Variants in SPARC observed in about 807,000 individuals in gnomAD.
SPARC encodes secreted protein acidic and cysteine rich, also known as basement-membrane protein 40.
SPARC carries 23 observed loss-of-function variants against 37.7 expected under a neutral mutation model. The observed-to-expected ratio is 0.61, with a 90% CI of 0.44 to 0.87. SPARC has a LOEUF of 0.87. SPARC is among the 40% of genes least tolerant of loss of function. The pLI, the probability that SPARC is intolerant of heterozygous loss-of-function variation, is 0.00. For missense variants in SPARC, 312 were observed against 389.0 expected (o/e 0.80, Z 1.66); for synonymous variants, 155 against 150.8 (o/e 1.03, Z -0.20).
chr5:151,674,214 T>C (rs1028814223), intron 3 of SPARC, among the ~76,000 whole-genome samples: 4 of 152,090 alleles, frequency 2.6e-5, no homozygotes, highest in Admixed American at 1.3e-4. Context: ...GGTTTCACCA[T>C]GTTGGCCACA....
At chr5:151,669,174 A>G (rs1167983223) in intron 6 of SPARC, among the ~76,000 whole-genome samples, 1 of 152,208 alleles carries the variant, frequency 6.6e-6, no homozygotes, top group Non-Finnish European at 1.5e-5. Context: ...TAGGAATGTA[A>G]TGGAGTAAAA....
chr5:151,674,115 G>A (rs1239043497), intron 3 of SPARC, among the ~76,000 whole-genome samples: 3 of 151,958 alleles, frequency 2.0e-5, no homozygotes, highest in East Asian at 1.9e-4. Flanking sequence ...GGGTTCAAGC[G>A]ATTCTCCTAC....
At chr5:151,667,671 C>G (rs1760659829) in intron 6 of SPARC, 71 bp from the exon 7 acceptor site, 1 of 1,548,572 alleles carries the variant, frequency 6.5e-7, no homozygotes, top group African/African-American at 1.4e-5. Flanking sequence ...AGGCCCCCAC[C>G]CACCCACATA....
At position 151,676,145 on chromosome 5, in the gene SPARC, G is replaced by A. The variant is rs1760851716; in HGVS notation, c.44C>T (p.Ala15Val). The change falls in exon 2 of 10, where the codon GCC becomes GTC. Residue 15 changes from alanine to valine, a missense_variant. Ala to Val is a moderately conservative substitution (Grantham distance 64). Transcript: ENST00000231061. Reference protein sequence around the residue: ...IFFLLCLAGRALAAPQQEALP... With the variant: ...IFFLLCLAGRVLAAPQQEALP... The stretch of plus-strand genomic sequence containing the variant: ...TTAGGTACTTACAGGGGCTGCCAAG[G>A]CCCTCCCGGCCAGGCAAAGGAGAAA... The A allele has an allele frequency of 1.2e-6, 2 of 1,611,846 alleles. No individual in the cohort carries two copies. Among genetic ancestry groups the A allele is most frequent in the East Asian group, 2.2e-5 (1 of 44,838 alleles).
At chr5:151,671,722 G>T (rs1760753010) in intron 4 of SPARC, 28 bp from the exon 5 acceptor site, 4 of 1,612,740 alleles carry the variant, frequency 2.5e-6, no homozygotes, top group Non-Finnish European at 3.4e-6. Context: ...AAGGGAGTTA[G>T]CATCACCTGG....
intron 1 of SPARC, among the ~76,000 whole-genome samples, chr5:151,678,339 G>A (rs1161989196): frequency 2.6e-5 from 4 of 152,164 alleles, no homozygotes; most frequent in Non-Finnish European, 5.9e-5. Context: ...TCGCTGGGCG[G>A]CTCTTCTGTC....
chr5:151,679,999 T>C (rs1436193547), intron 1 of SPARC, among the ~76,000 whole-genome samples: 1 of 152,200 alleles, frequency 6.6e-6, no homozygotes, highest in East Asian at 1.9e-4. Flanking sequence ...ACACATTCTA[T>C]ATCTACGTGG....
At position 151,661,771 on chromosome 5, in the gene SPARC, A is replaced by G. The variant is rs956250312; in HGVS notation, c.*1800T>C. The stretch of plus-strand genomic sequence containing the variant: ...TAACCACTAATCATGCATGGCTCTC[A>G]AGCACTTGAAATGTTGCTAGTGTGA... On this transcript the variant is annotated 3_prime_UTR_variant, in exon 10 of 10. Coordinates refer to ENST00000231061, the MANE Select transcript of SPARC (RefSeq NM_003118.4). 50 of 152,208 alleles carry G rather than the reference A, an allele frequency of 3.3e-4. No individual in the cohort carries two copies. Among genetic ancestry groups the G allele is most frequent in the African/African-American group, 1.2e-3 (48 of 41,454 alleles). The allele number at this position is 152,208 out of a possible 1,614,324, so 9.4% of individuals were successfully genotyped here.
chr5:151,663,751 G>C (rs1203085633), intron 9 of SPARC, 152 bp from the exon 10 acceptor site: 1 of 738,532 alleles, frequency 1.4e-6, no homozygotes. Context: ...GAGGAATCTC[G>C]CTCTCTCTGT....
Position 151,676,197 on chromosome 5 carries a change from G to A in SPARC, c.-9C>T, listed in dbSNP as rs748050757. 4.4e-6 allele frequency: 7 copies of A among 1,608,936 alleles called. No individual in the cohort carries two copies. In the African/African-American group the frequency reaches 8.0e-5, roughly 18 times the overall value. On this transcript the variant is annotated 5_prime_UTR_variant, in exon 2 of 10. Transcript: ENST00000231061. Reference sequence around the variant, plus strand: ...AAGATCCAGGCCCTCATGGTGCTGGGAACCCTATGGGGAGGAGAGATTGAG... The same window carrying A: ...AAGATCCAGGCCCTCATGGTGCTGGAAACCCTATGGGGAGGAGAGATTGAG...
chr5:151,677,352 C>T (rs1760880242), intron 1 of SPARC, among the ~76,000 whole-genome samples: 1 of 152,196 alleles, frequency 6.6e-6, no homozygotes, highest in South Asian at 2.1e-4. Context: ...CACAAATAAC[C>T]TTCCATCAGG....
chr5:151,670,398 C>G (rs1760723083), intron 5 of SPARC, among the ~76,000 whole-genome samples: 1 of 152,222 alleles, frequency 6.6e-6, no homozygotes, highest in Admixed American at 6.5e-5. Flanking sequence ...TGCTGAGTCT[C>G]TAATGAACTT....
At chr5:151,673,775 C>T (rs982851075) in intron 3 of SPARC, among the ~76,000 whole-genome samples, 8 of 152,116 alleles carry the variant, frequency 5.3e-5, no homozygotes, top group Non-Finnish European at 5.9e-5. Context: ...CTCGTGTCTC[C>T]CTAAAATGTA....
intron 6 of SPARC, 115 bp downstream of exon 6, chr5:151,669,545 CAGAA>C: frequency 8.1e-7 from 1 of 1,227,168 alleles, no homozygotes; most frequent in Middle Eastern, 2.3e-4. Context: ...TGCCGAGACT[CAGAA>C]AGGGAGAGAG....
At chr5:151,684,276 T>C (rs1356710599) in intron 1 of SPARC, among the ~76,000 whole-genome samples, 1 of 152,182 alleles carries the variant, frequency 6.6e-6, no homozygotes, top group East Asian at 1.9e-4. Flanking sequence ...TATCTGGGAT[T>C]TAGGTTTATA....
chr5:151,673,592 T>C (rs1291627925), intron 3 of SPARC, among the ~76,000 whole-genome samples: 1 of 152,142 alleles, frequency 6.6e-6, no homozygotes, highest in Non-Finnish European at 1.5e-5. Flanking sequence ...TATGTAAAAA[T>C]GCAGATTCAC....
chr5:151,673,128 C>T lies in SPARC; in HGVS notation c.208+1G>A, dbSNP rs111404832. 1 of 1,612,368 alleles carries T rather than the reference C, an allele frequency of 6.2e-7. No individual in the cohort carries two copies. The highest frequency in any genetic ancestry group is 8.5e-7 in the Non-Finnish European group (1 of 1,178,308). The stretch of plus-strand genomic sequence containing the variant: ...TGCCAAGTTACAGGGAAGGGACATA[C>T]TTTCCGCCACCACCTCCTCTTCGGT... On this transcript the variant is annotated splice_donor_variant, in intron 4 of 9. Coordinates refer to ENST00000231061, the MANE Select transcript of SPARC (RefSeq NM_003118.4). LOFTEE classifies it high-confidence loss of function.
intron 2 of SPARC, among the ~76,000 whole-genome samples, chr5:151,675,413 A>C (rs1184598248): frequency 1.3e-5 from 2 of 152,144 alleles, no homozygotes; most frequent in Non-Finnish European, 2.9e-5. Flanking sequence ...GCTTCGAGGA[A>C]CTGTCTGTCA....
Position 151,671,601 on chromosome 5 carries a change from C to CAGCT in SPARC, c.298_301dup (p.Cys101Ter). On this transcript the variant is annotated stop_gained and frameshift_variant, in exon 5 of 10. Coordinates refer to ENST00000231061, the MANE Select transcript of SPARC (RefSeq NM_003118.4). LOFTEE classifies it high-confidence loss of function. ...CTCAAACTCGCCAATGGGGGCTGGG[C>CAGCT]AGCTGGTGGGGTCCTGGCACACGCA... 6.3e-7 allele frequency: 1 copy of CAGCT among 1,592,058 alleles called. No homozygotes were observed. Among genetic ancestry groups the CAGCT allele is most frequent in the Non-Finnish European group, 8.6e-7 (1 of 1,169,436 alleles).
Sources: allele counts gnomAD v4.1 joint callset (sites outside exome capture counted in the v4.1 genomes callset), GRCh38; gene constraint gnomAD v4.1.1; transcripts MANE v1.5; gene names NCBI Gene and HGNC (gene_info 2026-07-23, HGNC 2026-07-21).